IFFO2: variants seen among roughly 807,000 people sequenced by gnomAD.
IFFO2 encodes intermediate filament family orphan 2.
Under a neutral mutation model 53.5 loss-of-function variants are expected in IFFO2, and 19 were observed. The observed-to-expected ratio is 0.36, with a 90% confidence interval of 0.25 to 0.52. The LOEUF (loss-of-function observed/expected upper bound fraction) is 0.52. Among genes scored for constraint, IFFO2 ranks in the 20% least tolerant of loss-of-function variants. IFFO2 has a pLI of 0.94. For synonymous variants in IFFO2, 303 were observed against 313.6 expected (o/e 0.97, Z 0.36); for missense variants, 570 against 727.4 (o/e 0.78, Z 2.49).
In IFFO2 at chr1:18,937,287, C is replaced by A. The variant is rs542648767; in HGVS notation, c.666-16166G>T. Among the ~76,000 whole-genome samples, 78 of 152,356 alleles carry A rather than the reference C, an allele frequency of 5.1e-4. No individual in the cohort carries two copies. The South Asian group carries it at 0.015, about 30-fold the overall frequency. On this transcript the variant is annotated intron_variant, in intron 1 of 8. Transcript: ENST00000455833. ...CTGTGCAGAGCCGTCATGGTCCTCA[C>A]TAGCTGGGAAGGGGCAGGTTCCAGC...
intron 5 of IFFO2, 79 bp from the exon 6 acceptor site, chr1:18,912,162 CT>C (rs1557637892): frequency 2.8e-5 from 43 of 1,523,692 alleles, no homozygotes; most frequent in Non-Finnish European, 3.7e-5. Context: ...AAAGGGGCAG[CT>C]GCCCAGCAGG....
intron 1 of IFFO2, among the ~76,000 whole-genome samples, chr1:18,930,737 G>A (rs1936365625): frequency 6.6e-6 from 1 of 152,146 alleles, no homozygotes; most frequent in Admixed American, 6.5e-5. Context: ...GGCAACATGG[G>A]GCCCAGGGAA....
At chr1:18,944,842 C>T (rs1936566126) in intron 1 of IFFO2, among the ~76,000 whole-genome samples, 1 of 152,044 alleles carries the variant, frequency 6.6e-6, no homozygotes, top group African/African-American at 2.4e-5. Context: ...GACAGCCAGC[C>T]ATAAAGAGTA....
chr1:18,945,575 T>C (rs1393650300), intron 1 of IFFO2, among the ~76,000 whole-genome samples: 1 of 152,208 alleles, frequency 6.6e-6, no homozygotes, highest in Non-Finnish European at 1.5e-5. Flanking sequence ...CAGGGGCCTC[T>C]CTCCATCGAG....
chr1:18,922,067 A>G (rs1339367277), intron 1 of IFFO2, among the ~76,000 whole-genome samples: 1 of 152,180 alleles, frequency 6.6e-6, no homozygotes, highest in Non-Finnish European at 1.5e-5. Context: ...CCCCAGGTGC[A>G]GAAAGCAAGG....
intron 1 of IFFO2, among the ~76,000 whole-genome samples, chr1:18,944,803 G>A (rs1249334264): frequency 6.6e-6 from 1 of 152,220 alleles, no homozygotes. Context: ...ATGTCCCTCA[G>A]AGCCCTGCCC....
chr1:18,925,412 C>T (rs1016338793), intron 1 of IFFO2, among the ~76,000 whole-genome samples: 5 of 152,216 alleles, frequency 3.3e-5, no homozygotes, highest in South Asian at 2.1e-4. Context: ...TGGGATCCCA[C>T]GGCACACAGC....
chr1:18,925,090 G>A (rs1936264784), intron 1 of IFFO2, among the ~76,000 whole-genome samples: 1 of 151,116 alleles, frequency 6.6e-6, no homozygotes, highest in Non-Finnish European at 1.5e-5. Context: ...TCTAGCGCTG[G>A]ATGAGAGAAG....
chr1:18,931,656 C>T (rs190025634), intron 1 of IFFO2, among the ~76,000 whole-genome samples: 3 of 152,162 alleles, frequency 2.0e-5, no homozygotes, highest in African/African-American at 4.8e-5. Context: ...GCTAATCATT[C>T]GACACCCACC....
At chr1:18,924,660 C>T (rs78926664) in intron 1 of IFFO2, among the ~76,000 whole-genome samples, 10,052 of 152,234 alleles carry the variant, frequency 0.066, 423 homozygotes, top group African/African-American at 0.1. Flanking sequence ...ATCCTACGCC[C>T]GGGCCCTTTA....
chr1:18,915,395 C>G (rs1376308655), intron 5 of IFFO2, among the ~76,000 whole-genome samples: 1 of 126,126 alleles, frequency 7.9e-6, no homozygotes, highest in Non-Finnish European at 1.7e-5. Flanking sequence ...GCTCTGATTT[C>G]CTGCAATGGC....
intron 8 of IFFO2, 63 bp downstream of exon 8, chr1:18,910,279 C>T: frequency 2.6e-6 from 4 of 1,544,438 alleles, no homozygotes; most frequent in South Asian, 1.2e-5. Flanking sequence ...GGCCGAGTTG[C>T]AGCCTTGGGA....
At chr1:18,937,477 A>G (rs1389519323) in intron 1 of IFFO2, among the ~76,000 whole-genome samples, 1 of 152,198 alleles carries the variant, frequency 6.6e-6, no homozygotes, top group East Asian at 1.9e-4. Context: ...GAGGCTGAGC[A>G]CCAGGCAACC....
chr1:18,949,834 G>A (rs943833062), intron 1 of IFFO2, among the ~76,000 whole-genome samples: 7 of 152,232 alleles, frequency 4.6e-5, no homozygotes, highest in Non-Finnish European at 8.8e-5. Context: ...CACGTGGGGG[G>A]AAGGGGGACC....
chr1:18,919,228 A>G lies in IFFO2; in HGVS notation c.822+450T>C, dbSNP rs1936179409. 6.6e-6 allele frequency among the ~76,000 whole-genome samples: 1 copy of G among 152,144 alleles called. No individual in the cohort carries two copies. Among genetic ancestry groups the G allele is most frequent in the African/African-American group, 2.4e-5 (1 of 41,436 alleles). On this transcript the variant is annotated intron_variant, in intron 3 of 8. Coordinates refer to ENST00000455833, the MANE Select transcript of IFFO2 (RefSeq NM_001136265.2). The surrounding 1 kb of genome is among the most constrained non-coding windows in gnomAD (Gnocchi z 4.9). ...CCCAGATTGTCAAAAAGACACGCGCACTGGCCTTTCCTGACCTCATGGAGC... is the reference window on the plus strand; with the variant it reads ...CCCAGATTGTCAAAAAGACACGCGCGCTGGCCTTTCCTGACCTCATGGAGC...
In IFFO2 at chr1:18,908,636, G is replaced by A. The variant is rs1935987248; in HGVS notation, c.1479C>T (p.Ser493=). The change falls in exon 9 of 9, where the codon AGC becomes AGT. Residue 493 remains serine, a synonymous_variant. Coordinates refer to ENST00000455833, the MANE Select transcript of IFFO2 (RefSeq NM_001136265.2). ...RNSPSPSSVA[S]SDSGSTDEIQ... ...TCTCATCTGTACTTCCTGAGTCGCT[G>A]CTGGCCACGGAGCTGGGGGACGGTG... The A allele has an allele frequency of 6.4e-7, 1 of 1,551,552 alleles. No homozygotes were observed. The highest frequency in any genetic ancestry group is 8.7e-7 in the Non-Finnish European group (1 of 1,146,860).
intron 1 of IFFO2, among the ~76,000 whole-genome samples, chr1:18,932,446 C>G (rs552736373): frequency 1.3e-5 from 2 of 152,232 alleles, no homozygotes; most frequent in African/African-American, 4.8e-5. Context: ...CTGACCCCCC[C>G]AGACTGGGAT....
chr1:18,927,822 G>T (rs868082951), intron 1 of IFFO2, among the ~76,000 whole-genome samples: 2 of 152,242 alleles, frequency 1.3e-5, no homozygotes, highest in South Asian at 2.1e-4. Flanking sequence ...TCAGGGCTGC[G>T]TGCCCCCAAC....
intron 5 of IFFO2, among the ~76,000 whole-genome samples, chr1:18,913,087 A>C (rs182413228): frequency 6.2e-4 from 94 of 152,346 alleles, no homozygotes; most frequent in Non-Finnish European, 1.1e-3. Context: ...GGCTCTCCCC[A>C]TTGCCTGCCC....
Sources: allele counts gnomAD v4.1 joint callset (sites outside exome capture counted in the v4.1 genomes callset), GRCh38; gene constraint gnomAD v4.1.1; non-coding constraint Gnocchi (gnomAD v3.1); transcripts MANE v1.5; gene names NCBI Gene and HGNC (gene_info 2026-07-23, HGNC 2026-07-21).